The following LSM6 variants were observed in gnomAD, a reference collection of about 807,000 sequenced individuals.
LSM6 encodes the protein U6 snRNA-associated Sm-like protein LSm6.
A neutral mutation model predicts 13.5 loss-of-function variants in LSM6; 2 were observed. That is an observed-to-expected ratio of 0.15 (90% CI 0.06 to 0.47). The LOEUF (loss-of-function observed/expected upper bound fraction) is 0.47, where lower values mean the gene tolerates loss of function less well. LSM6 is among the 20% of genes least tolerant of loss of function. The probability of loss-of-function intolerance (pLI) is 0.97; values close to 1 mark genes in which losing one functional copy is unlikely to be tolerated. For synonymous variants in LSM6, 43 were observed against 34.9 expected (o/e 1.23, Z -0.82); for missense variants, 58 against 96.4 (o/e 0.60, Z 1.67).
chr4:146,190,244 T>G lies in LSM6; in HGVS notation c.*588T>G, dbSNP rs1269328466. Reference sequence around the variant, plus strand: ...GCACATAAGGAGTGGGAATTCGAACTGAGGTGCTGGAGAAATCCTAAAGAT... The same window carrying G: ...GCACATAAGGAGTGGGAATTCGAACGGAGGTGCTGGAGAAATCCTAAAGAT... On this transcript the variant is annotated 3_prime_UTR_variant, in exon 4 of 4. Coordinates refer to ENST00000296581, the MANE Select transcript of LSM6 (RefSeq NM_007080.3). 6.6e-6 allele frequency: 1 copy of G among 152,494 alleles called. No homozygotes were observed. The highest frequency in any genetic ancestry group is 1.5e-5 in the Non-Finnish European group (1 of 68,258). The allele number at this position is 152,494 out of a possible 1,614,324, so 9.4% of individuals were successfully genotyped here.
chr4:146,177,548 A>G (rs1464785517), intron 1 of LSM6, among the ~76,000 whole-genome samples: 1 of 152,226 alleles, frequency 6.6e-6, no homozygotes, highest in Admixed American at 6.5e-5. Context: ...TTTGGTTAGA[A>G]TGTAGCTTTT....
intron 1 of LSM6, among the ~76,000 whole-genome samples, chr4:146,177,065 G>A (rs759367379): frequency 1.3e-5 from 2 of 151,958 alleles, no homozygotes; most frequent in African/African-American, 2.4e-5. Flanking sequence ...GCGTTAATGC[G>A]TTAGACTACC....
Position 146,185,823 on chromosome 4 carries a change from G to A in LSM6, c.95-1451G>A, listed in dbSNP as rs182228984. ...TCAGTCTTGGCTCACTGCAACCTCC[G>A]CCTCCCAAGTTCAGACGATTCTCCT... On this transcript the variant is annotated intron_variant, in intron 2 of 3. Coordinates refer to ENST00000296581, the MANE Select transcript of LSM6 (RefSeq NM_007080.3). Among the ~76,000 whole-genome samples, 798 of 151,410 alleles carry A rather than the reference G, an allele frequency of 5.3e-3. 9 individuals carry two copies. Among genetic ancestry groups the A allele is most frequent in the African/African-American group, 0.018 (753 of 41,236 alleles).
chr4:146,188,876 A>G (rs1301357646), intron 3 of LSM6, among the ~76,000 whole-genome samples: 1 of 152,216 alleles, frequency 6.6e-6, no homozygotes, highest in African/African-American at 2.4e-5. Flanking sequence ...TTAAGAAGGT[A>G]AACAGCAAGT....
At chr4:146,187,649 C>T (rs192877350) in intron 3 of LSM6, 3 of 333,930 alleles carry the variant, frequency 9.0e-6, no homozygotes, top group Admixed American at 4.0e-5. Flanking sequence ...CCTGCTTTCT[C>T]GAATATAGTG....
intron 2 of LSM6, among the ~76,000 whole-genome samples, chr4:146,185,814 G>C (rs899733186): frequency 6.6e-6 from 1 of 151,426 alleles, no homozygotes; most frequent in African/African-American, 2.4e-5. Context: ...TTGGCTCACT[G>C]CAACCTCCGC....
intron 2 of LSM6, among the ~76,000 whole-genome samples, chr4:146,184,490 T>G (rs968590463): frequency 6.6e-6 from 1 of 152,186 alleles, no homozygotes; most frequent in Admixed American, 6.5e-5. Flanking sequence ...TAATAACGTA[T>G]CTCCAGTTTA....
chr4:146,191,005 T>C lies in LSM6; in HGVS notation c.*1349T>C, dbSNP rs895760744. On this transcript the variant is annotated 3_prime_UTR_variant, in exon 4 of 4. Coordinates refer to ENST00000296581, the MANE Select transcript of LSM6 (RefSeq NM_007080.3). ...AAGATCAGAGAGTAATTGGAAACAA[T>C]TATTTTTTAATTAATAACTTGGGAA... 1 of 152,214 alleles carries C rather than the reference T, an allele frequency of 6.6e-6. No individual in the cohort carries two copies. The highest frequency in any genetic ancestry group is 1.5e-5 in the Non-Finnish European group (1 of 68,034). The allele number at this position is 152,214 out of a possible 1,614,324, so 9.4% of individuals were successfully genotyped here.
At chr4:146,177,027 GGTGT>G (rs35898655) in intron 1 of LSM6, among the ~76,000 whole-genome samples, 44,599 of 150,288 alleles carry the variant, frequency 0.3, 6,793 homozygotes, top group Middle Eastern at 0.37. Context: ...TTGTGTTTGT[GGTGT>G]GTGTGTGTGT....
In LSM6 at chr4:146,183,066, G is replaced by A. The variant is rs1479503660; in HGVS notation, c.94+51G>A. ...CTGGTATAACTGAATAAGTAAATGT[G>A]ACTTACTGATATTTATTAACCTCTT... On this transcript the variant is annotated intron_variant, in intron 2 of 3. Coordinates refer to ENST00000296581, the MANE Select transcript of LSM6 (RefSeq NM_007080.3). 5.4e-6 allele frequency: 7 copies of A among 1,291,034 alleles called. 1 individual carries two copies. Among genetic ancestry groups the A allele is most frequent in the Non-Finnish European group, 7.9e-6 (7 of 886,706 alleles). The allele number at this position is 1,291,034 out of a possible 1,614,324, so 80.0% of individuals were successfully genotyped here. A position where few individuals can be genotyped will look rare whatever the true frequency, so the allele number is the denominator to read the frequency against.
chr4:146,178,183 C>T (rs2110877684), intron 1 of LSM6, among the ~76,000 whole-genome samples: 1 of 152,330 alleles, frequency 6.6e-6, no homozygotes, highest in South Asian at 2.1e-4. Flanking sequence ...TTGAATGTCT[C>T]TTCCACAGAC....
At chr4:146,184,032 C>G (rs1730292545) in intron 2 of LSM6, among the ~76,000 whole-genome samples, 1 of 152,088 alleles carries the variant, frequency 6.6e-6, no homozygotes, top group Non-Finnish European at 1.5e-5. Flanking sequence ...AATCCAAGAT[C>G]AAGGTGCCAG....
rs897603343 is a variant in LSM6 at position 146,188,864 on chromosome 4, A to C, written c.209-758A>C. ...CCTTAGCTCTTGTTTATCCTGTTGC[A>C]TTTAAGAAGGTAAACAGCAAGTTTA... On this transcript the variant is annotated intron_variant, in intron 3 of 3. Coordinates refer to ENST00000296581, the MANE Select transcript of LSM6 (RefSeq NM_007080.3). Among the ~76,000 whole-genome samples the C allele has an allele frequency of 1.3e-5, 2 of 152,142 alleles. 1 individual carries two copies. The highest frequency in any genetic ancestry group is 4.8e-5 in the African/African-American group (2 of 41,432).
At chr4:146,188,694 G>A (rs1009101564) in intron 3 of LSM6, among the ~76,000 whole-genome samples, 4 of 151,958 alleles carry the variant, frequency 2.6e-5, no homozygotes, top group African/African-American at 9.7e-5. Context: ...TCATTCCTAC[G>A]GACCACACAT....
intron 1 of LSM6, among the ~76,000 whole-genome samples, chr4:146,182,227 T>C (rs185690966): frequency 6.6e-6 from 1 of 152,294 alleles, no homozygotes; most frequent in African/African-American, 2.4e-5. Context: ...TTTAAATTGA[T>C]TAATATATAT....
chr4:146,185,886 G>T (rs190091582), intron 2 of LSM6, among the ~76,000 whole-genome samples: 1 of 151,928 alleles, frequency 6.6e-6, no homozygotes, highest in East Asian at 1.9e-4. Context: ...ACAGGCACCT[G>T]CCACCATGCC....
At chr4:146,188,979 A>G (rs1214736539) in intron 3 of LSM6, among the ~76,000 whole-genome samples, 3 of 149,134 alleles carry the variant, frequency 2.0e-5, no homozygotes, top group Non-Finnish European at 4.5e-5. Flanking sequence ...ACTTTCTGAA[A>G]AGCATCTTTT....
At chr4:146,185,905 T>C (rs1437108229) in intron 2 of LSM6, among the ~76,000 whole-genome samples, 2 of 151,914 alleles carry the variant, frequency 1.3e-5, no homozygotes, top group East Asian at 3.9e-4. Flanking sequence ...CCTGGCTAAT[T>C]TTTGTATTTT....
chr4:146,183,340 C>A, intron 2 of LSM6: 1 of 241,920 alleles, frequency 4.1e-6, no homozygotes. Context: ...TGAAGAACAT[C>A]TTGGTGCAGC....
Sources: gnomAD v4.1 joint callset for allele counts (sites outside exome capture counted in the v4.1 genomes callset) on GRCh38, gnomAD v4.1.1 for gene constraint, MANE v1.5 for transcripts, NCBI Gene and HGNC (gene_info 2026-07-23, HGNC 2026-07-21) for gene names.